The following TSKU variants were observed in gnomAD, a reference collection of about 807,000 sequenced individuals.
TSKU encodes the protein tsukushi.
Under a neutral mutation model 11.2 loss-of-function variants are expected in TSKU, and 4 were observed. That is an observed-to-expected ratio of 0.36 (90% CI 0.18 to 0.82). The LOEUF (loss-of-function observed/expected upper bound fraction) is 0.82. Ranked by LOEUF, TSKU falls within the 40% of genes least tolerant of loss-of-function variation. The probability of loss-of-function intolerance (pLI) is 0.50; values close to 1 mark genes in which losing one functional copy is unlikely to be tolerated. For synonymous variants in TSKU, 220 were observed against 232.2 expected (o/e 0.95, Z 0.48); for missense variants, 407 against 482.5 (o/e 0.84, Z 1.47).
At chr11:76,785,197 G>C (rs1194910929) in intron 1 of TSKU, among the ~76,000 whole-genome samples, 1 of 152,226 alleles carries the variant, frequency 6.6e-6, no homozygotes, top group Non-Finnish European at 1.5e-5. Flanking sequence ...GAGAGGGAAG[G>C]GAGGGGGATT....
chr11:76,789,782 C>T (rs1049213472), intron 1 of TSKU, among the ~76,000 whole-genome samples: 2 of 152,122 alleles, frequency 1.3e-5, no homozygotes, highest in African/African-American at 4.8e-5. Context: ...CTTCATTTCT[C>T]TTTTTCCTGG....
At chr11:76,784,219 C>A (rs909196790) in intron 1 of TSKU, 2 of 152,574 alleles carry the variant, frequency 1.3e-5, no homozygotes, top group Admixed American at 1.3e-4. Context: ...GAGGAAGGGA[C>A]AGGGCGGCTG....
chr11:76,796,017 G>GCGA lies in TSKU; in HGVS notation c.404_406dup (p.Asp135dup). On this transcript the variant is annotated inframe_insertion, in exon 2 of 2. Coordinates refer to ENST00000333090, the MANE Select transcript of TSKU (RefSeq NM_015516.4). The surrounding 1 kb of genome is among the most constrained non-coding windows in gnomAD (Gnocchi z 4.1). ...GAGAGCTTCACCAGCTCACCCCTGA[G>GCGA]CGACGTGAACCTTAGCCACAACCAG... 2 of 1,613,942 alleles carry GCGA rather than the reference G, an allele frequency of 1.2e-6. No homozygotes were observed. The highest frequency in any genetic ancestry group is 1.7e-6 in the Non-Finnish European group (2 of 1,180,012).
chr11:76,783,700 CG>C (rs1944269273), intron 1 of TSKU, among the ~76,000 whole-genome samples: 1 of 152,156 alleles, frequency 6.6e-6, no homozygotes, highest in Non-Finnish European at 1.5e-5. Context: ...GATTTGCGGT[CG>C]GGGACGCGCC....
chr11:76,783,962 CG>C (rs1157509245), intron 1 of TSKU, among the ~76,000 whole-genome samples: 3 of 152,156 alleles, frequency 2.0e-5, no homozygotes, highest in African/African-American at 7.2e-5. Flanking sequence ...ACTTTTCTCC[CG>C]GTTCCTCGGG....
At chr11:76,788,582 G>A (rs1944334596) in intron 1 of TSKU, among the ~76,000 whole-genome samples, 1 of 152,214 alleles carries the variant, frequency 6.6e-6, no homozygotes, top group Non-Finnish European at 1.5e-5. Flanking sequence ...CACACATTGA[G>A]TATTTGTGTA....
In TSKU at chr11:76,796,401, C is replaced by T. The variant is rs1001756036; in HGVS notation, c.785C>T (p.Ser262Leu). The T allele has an allele frequency of 3.7e-6, 6 of 1,613,348 alleles. No individual in the cohort carries two copies. Among genetic ancestry groups the T allele is most frequent in the South Asian group, 3.3e-5 (3 of 91,086 alleles). The change falls in exon 2 of 2, where the codon TCG becomes TTG. Residue 262 changes from serine (S) to leucine (L), a missense_variant. Ser to Leu is a moderately radical substitution (Grantham distance 145). Coordinates refer to ENST00000333090, the MANE Select transcript of TSKU (RefSeq NM_015516.4). This position sits in a 1 kb window ranked among gnomAD's most constrained non-coding sequence, Gnocchi z 4.1. The stretch of plus-strand genomic sequence containing the variant: ...CCGGGCCTGCAGGTCCTGGACCTGT[C>T]GGGCAACCCCAAGCTTAACTGGGCA... ...ELPGLQVLDL[S>L]GNPKLNWAGA...
upstream of TSKU, chr11:76,782,506 AC>A (rs1348002736): frequency 6.6e-5 from 10 of 150,664 alleles, no homozygotes; most frequent in Admixed American, 4.0e-4. Context: ...AAATGCGTCC[AC>A]CAGGTCATTT....
Position 76,795,590 on chromosome 11 carries a change from C to G in TSKU, c.-8-19C>G. ...GACCATCTGGTGCATTCATTCCTCA[C>G]CTGTGGCTCTCTTTCTAGCCCCCAC... On this transcript the variant is annotated intron_variant, in intron 1 of 1. Transcript: ENST00000333090. The G allele has an allele frequency of 1.9e-6, 3 of 1,600,198 alleles. No individual in the cohort carries two copies. The highest frequency in any genetic ancestry group is 2.5e-6 in the Non-Finnish European group (3 of 1,177,318).
At chr11:76,795,468 C>T (rs1944426349) in intron 1 of TSKU, 141 bp from the exon 2 acceptor site, 1 of 1,021,136 alleles carries the variant, frequency 9.8e-7, no homozygotes, top group Non-Finnish European at 1.4e-6. Context: ...GGACTAGGAA[C>T]TCTGGGGAGT....
chr11:76,785,242 T>C (rs1229900652), intron 1 of TSKU, among the ~76,000 whole-genome samples: 1 of 152,188 alleles, frequency 6.6e-6, no homozygotes, highest in African/African-American at 2.4e-5. Flanking sequence ...AATGACAGTT[T>C]GTGGTGGTAA....
At chr11:76,786,189 C>T (rs1229222295) in intron 1 of TSKU, among the ~76,000 whole-genome samples, 1 of 152,206 alleles carries the variant, frequency 6.6e-6, no homozygotes, top group African/African-American at 2.4e-5. Context: ...ACATTTCATT[C>T]ATCTGATTTA....
rs1369378658 is a variant in TSKU, at chr11:76,796,076, C to A, written c.460C>A (p.His154Asn). 22 of 1,613,988 alleles carry A rather than the reference C, an allele frequency of 1.4e-5. No homozygotes were observed. Among genetic ancestry groups the A allele is most frequent in the Non-Finnish European group, 1.9e-5 (22 of 1,180,042 alleles). Reference protein sequence around the residue: ...REVSVSAFTTHSQGRALHVDL... With the variant: ...REVSVSAFTTNSQGRALHVDL... The stretch of plus-strand genomic sequence containing the variant: ...GGTCTCAGTGTCTGCCTTCACGACG[C>A]ACAGTCAGGGCCGGGCACTACACGT... The change falls in exon 2 of 2, where the codon CAC becomes AAC. Residue 154 changes from histidine to asparagine, a missense_variant. Physicochemically the swap from His to Asn is moderately conservative, Grantham distance 68 (BLOSUM62 1). Coordinates refer to ENST00000333090, the MANE Select transcript of TSKU (RefSeq NM_015516.4). This position sits in a 1 kb window ranked among gnomAD's most constrained non-coding sequence, Gnocchi z 4.1.
At position 76,796,075 on chromosome 11, in the gene TSKU, G is replaced by A. The variant is rs374281937; in HGVS notation, c.459G>A (p.Thr153=). Residue 153 remains threonine (T), a synonymous_variant, in exon 2 of 2, where the codon ACG becomes ACA. Transcript: ENST00000333090. The surrounding 1 kb of genome is among the most constrained non-coding windows in gnomAD (Gnocchi z 4.1). ...LREVSVSAFT[T]HSQGRALHVD... is the part of the protein sequence containing the mutation. Reference sequence around the variant, plus strand: ...AGGTCTCAGTGTCTGCCTTCACGACGCACAGTCAGGGCCGGGCACTACACG... The same window carrying A: ...AGGTCTCAGTGTCTGCCTTCACGACACACAGTCAGGGCCGGGCACTACACG... 1.9e-5 allele frequency: 30 copies of A among 1,613,874 alleles called. No homozygotes were observed. Among genetic ancestry groups the A allele is most frequent in the Admixed American group, 5.0e-5 (3 of 60,000 alleles).
chr11:76,786,765 G>A (rs959105378), intron 1 of TSKU, among the ~76,000 whole-genome samples: 1 of 152,208 alleles, frequency 6.6e-6, no homozygotes, highest in African/African-American at 2.4e-5. Flanking sequence ...AGGCAACACA[G>A]CAGCTTTTGC....
intron 1 of TSKU, among the ~76,000 whole-genome samples, chr11:76,784,749 G>A (rs573271793): frequency 1.5e-5 from 2 of 134,324 alleles, no homozygotes; most frequent in Non-Finnish European, 1.6e-5. Context: ...CCGGAGGTGG[G>A]GGGGGGGGGG....
rs148661218 is a variant in TSKU at position 76,796,100 on chromosome 11, G to A, written c.484G>A (p.Val162Met). ...TTHSQGRALH[V>M]DLSHNLIHRL... ...GCACAGTCAGGGCCGGGCACTACAC[G>A]TGGACCTCTCCCACAACCTCATTCA... is the stretch of plus-strand genomic sequence containing the variant. Residue 162 changes from valine to methionine, a missense_variant, in exon 2 of 2, where the codon GTG becomes ATG. Physicochemically the swap from Val to Met is conservative, Grantham distance 21 (BLOSUM62 1). Coordinates refer to ENST00000333090, the MANE Select transcript of TSKU (RefSeq NM_015516.4). The surrounding 1 kb of genome is among the most constrained non-coding windows in gnomAD (Gnocchi z 4.1). The A allele has an allele frequency of 1.1e-5, 17 of 1,613,962 alleles. No individual in the cohort carries two copies. The highest frequency in any genetic ancestry group is 6.7e-5 in the East Asian group (3 of 44,866).
intron 1 of TSKU, among the ~76,000 whole-genome samples, chr11:76,787,426 G>A (rs961093006): frequency 6.6e-6 from 1 of 152,226 alleles, no homozygotes; most frequent in African/African-American, 2.4e-5. Flanking sequence ...GGTACTGGAT[G>A]TCAGAATACC....
upstream of TSKU, chr11:76,782,939 C>G (rs541025593): frequency 6.6e-6 from 1 of 152,392 alleles, no homozygotes; most frequent in Admixed American, 6.5e-5. Context: ...TTACTAGCAA[C>G]TAATTCCCTC....
Sources: gnomAD v4.1 joint callset for allele counts (sites outside exome capture counted in the v4.1 genomes callset) on GRCh38, gnomAD v4.1.1 for gene constraint, Gnocchi (gnomAD v3.1) non-coding constraint, MANE v1.5 for transcripts, NCBI Gene and HGNC (gene_info 2026-07-23, HGNC 2026-07-21) for gene names.